STARD13: variants seen among roughly 807,000 people sequenced by gnomAD.
The protein encoded by STARD13 is StAR related lipid transfer domain containing 13.
In STARD13, 62 loss-of-function variants were observed where a neutral mutation model predicts 106.4. The observed-to-expected ratio is 0.58, with a 90% CI of 0.48 to 0.72. The LOEUF is 0.72. Ranked by LOEUF, STARD13 falls within the 30% of genes least tolerant of loss-of-function variation. The pLI, the probability that STARD13 is intolerant of heterozygous loss-of-function variation, is 0.00. For missense variants in STARD13, 1,387 were observed against 1,424.0 expected, an observed-to-expected ratio of 0.97 and a Z score of 0.42; for synonymous variants, 565 against 553.0, an observed-to-expected ratio of 1.02 and a Z score of -0.31.
intron 1 of STARD13, among the ~76,000 whole-genome samples, chr13:33,295,366 T>C (rs1892448353): frequency 6.6e-6 from 1 of 152,132 alleles, no homozygotes; most frequent in South Asian, 2.1e-4. Context: ...CATTTTAGGG[T>C]AATAGCAGGG....
chr13:33,450,873 G>GT, the STARD13 span, among the ~76,000 whole-genome samples: 1 of 152,002 alleles, frequency 6.6e-6, no homozygotes, highest in Non-Finnish European at 1.5e-5. Flanking sequence ...GGTGAAGTTT[G>GT]TTTTTTGTTT....
the STARD13 span, among the ~76,000 whole-genome samples, chr13:33,409,130 T>G: frequency 6.6e-6 from 1 of 152,108 alleles, no homozygotes; most frequent in Non-Finnish European, 1.5e-5. Flanking sequence ...GACTTTGTTT[T>G]ATTTACACTG....
the STARD13 span, among the ~76,000 whole-genome samples, chr13:33,515,080 G>A: frequency 6.6e-6 from 1 of 152,156 alleles, no homozygotes. Context: ...GAGGCTGGAT[G>A]TGTTAAATAT....
chr13:33,386,193 C>A, the STARD13 span, among the ~76,000 whole-genome samples: 1 of 152,134 alleles, frequency 6.6e-6, no homozygotes, highest in African/African-American at 2.4e-5. Context: ...TTAAAAGTAA[C>A]CTGGTCACAT....
the STARD13 span, among the ~76,000 whole-genome samples, chr13:33,513,514 T>C: frequency 6.6e-6 from 1 of 152,206 alleles, no homozygotes; most frequent in African/African-American, 2.4e-5. Context: ...ATGAAGGTGT[T>C]GGAAATCTTA....
the STARD13 span, among the ~76,000 whole-genome samples, chr13:33,425,640 C>T: frequency 6.6e-6 from 1 of 152,162 alleles, no homozygotes; most frequent in African/African-American, 2.4e-5. Flanking sequence ...ACATGATTGC[C>T]AAATCTACTG....
At chr13:33,266,619 ACT>A (rs1412579109) in intron 1 of STARD13, among the ~76,000 whole-genome samples, 1 of 151,912 alleles carries the variant, frequency 6.6e-6, no homozygotes, top group Non-Finnish European at 1.5e-5. Flanking sequence ...GCTTAGGACA[ACT>A]CTGCGATTTT....
chr13:33,117,259 C>T (rs1437997008), intron 8 of STARD13, among the ~76,000 whole-genome samples: 1 of 152,166 alleles, frequency 6.6e-6, no homozygotes, highest in Non-Finnish European at 1.5e-5. Flanking sequence ...CAGGCACCCG[C>T]CACCATGCCT....
the STARD13 span, among the ~76,000 whole-genome samples, chr13:33,508,405 G>C: frequency 6.6e-6 from 1 of 152,160 alleles, no homozygotes; most frequent in Non-Finnish European, 1.5e-5. Context: ...AGATAGTAGG[G>C]ACAAGTGGAA....
At chr13:33,541,066 T>A in the STARD13 span, among the ~76,000 whole-genome samples, 1 of 152,184 alleles carries the variant, frequency 6.6e-6, no homozygotes, top group Non-Finnish European at 1.5e-5. Flanking sequence ...CTCTTTGAAC[T>A]GTGAAGGGCT....
chr13:33,674,378 G>C, the STARD13 span, among the ~76,000 whole-genome samples: 2 of 152,142 alleles, frequency 1.3e-5, no homozygotes, highest in African/African-American at 4.8e-5. Flanking sequence ...AAAATGAAAA[G>C]TAAAACTAAG....
At chr13:33,133,773 T>A (rs1325913759) in intron 4 of STARD13, among the ~76,000 whole-genome samples, 1 of 152,200 alleles carries the variant, frequency 6.6e-6, no homozygotes, top group Non-Finnish European at 1.5e-5. Context: ...CCAAATTCAC[T>A]TGACAACCTA....
rs746739526 is a variant in STARD13 at position 33,130,935 on chromosome 13, C to T, written c.388-646G>A. On this transcript the variant is annotated intron_variant, in intron 4 of 13. Transcript: ENST00000336934. This position sits in a 1 kb window ranked among gnomAD's most constrained non-coding sequence, Gnocchi z 4.1. Reference sequence around the variant, plus strand: ...ATCCAATCCGGCTACTCTGCATGAGCGTCTTTTTCTGTGGAATCAACTCCG... The same window carrying T: ...ATCCAATCCGGCTACTCTGCATGAGTGTCTTTTTCTGTGGAATCAACTCCG... 1.2e-4 allele frequency among the ~76,000 whole-genome samples: 18 copies of T among 152,328 alleles called. No individual in the cohort carries two copies. Among genetic ancestry groups the T allele is most frequent in the Middle Eastern group, 6.8e-3 (2 of 294 alleles).
chr13:33,532,700 G>T, the STARD13 span, among the ~76,000 whole-genome samples: 5 of 152,164 alleles, frequency 3.3e-5, no homozygotes, highest in Admixed American at 3.3e-4. Flanking sequence ...AAACAGGAGA[G>T]AAATTTATGT....
the STARD13 span, among the ~76,000 whole-genome samples, chr13:33,403,855 C>T: frequency 6.6e-6 from 1 of 152,190 alleles, no homozygotes; most frequent in African/African-American, 2.4e-5. Flanking sequence ...AGAACCTTCA[C>T]TTGCTATAAG....
At chr13:33,322,341 T>TC (rs1218503287) in intron 1 of STARD13, among the ~76,000 whole-genome samples, 3 of 152,240 alleles carry the variant, frequency 2.0e-5, no homozygotes, top group Non-Finnish European at 4.4e-5. Context: ...GTAAATCTTG[T>TC]CCTACAGGCT....
At chr13:33,501,638 G>C in the STARD13 span, among the ~76,000 whole-genome samples, 3 of 152,264 alleles carry the variant, frequency 2.0e-5, no homozygotes, top group South Asian at 2.1e-4. Context: ...TTATTAAATA[G>C]GGAATCTTTT....
At position 33,242,385 on chromosome 13, in the gene STARD13, C is replaced by T. The variant is rs182836648; in HGVS notation, c.169+43085G>A. 2.3e-3 allele frequency among the ~76,000 whole-genome samples: 353 copies of T among 152,306 alleles called. 2 individuals carry two copies. The highest frequency in any genetic ancestry group is 8.1e-3 in the African/African-American group (335 of 41,562). On this transcript the variant is annotated intron_variant, in intron 1 of 13. Coordinates refer to ENST00000336934, the MANE Select transcript of STARD13 (RefSeq NM_178006.4). ...TGTAGAAAGAAGTAGACATAGGAGA[C>T]TCCATTTTGTTCTGTACTAAGAAAA...
At chr13:33,133,728 C>A (rs573978545) in intron 4 of STARD13, among the ~76,000 whole-genome samples, 2 of 151,668 alleles carry the variant, frequency 1.3e-5, no homozygotes, top group East Asian at 3.9e-4. Flanking sequence ...TCTAGTTTAG[C>A]CTATTTTATT....
Sources: gnomAD v4.1 joint callset for allele counts (sites outside exome capture counted in the v4.1 genomes callset) on GRCh38, gnomAD v4.1.1 for gene constraint, Gnocchi (gnomAD v3.1) non-coding constraint, MANE v1.5 for transcripts, NCBI Gene and HGNC (gene_info 2026-07-23, HGNC 2026-07-21) for gene names.